STK3: variants seen among roughly 807,000 people sequenced by gnomAD.
STK3 encodes the protein serine/threonine-protein kinase 3.
A neutral mutation model predicts 58.0 loss-of-function variants in STK3; 41 were observed. The ratio of observed to expected loss-of-function variants is 0.71; its 90% CI spans 0.55 to 0.92. The LOEUF (loss-of-function observed/expected upper bound fraction) is 0.92. STK3 is among the 40% of genes least tolerant of loss of function. The pLI is 0.00. For missense variants in STK3, 479 were observed against 602.7 expected (o/e 0.79, Z 2.15); for synonymous variants, 170 against 191.0 (o/e 0.89, Z 0.91).
intron 3 of STK3, among the ~76,000 whole-genome samples, chr8:98,750,794 A>T (rs1018925476): frequency 6.6e-6 from 1 of 152,190 alleles, no homozygotes; most frequent in Non-Finnish European, 1.5e-5. Context: ...GCAGAGATAC[A>T]ACAAAAAAAG....
At chr8:98,475,114 GAGCTCAT>G (rs1325071107) in intron 10 of STK3, among the ~76,000 whole-genome samples, 36 of 152,260 alleles carry the variant, frequency 2.4e-4, no homozygotes, top group African/African-American at 8.7e-4. Context: ...CCTGAAATCT[GAGCTCAT>G]CTGTATACCC....
At chr8:98,898,989 G>A (rs1318942150) in intron 1 of STK3, among the ~76,000 whole-genome samples, 1 of 152,214 alleles carries the variant, frequency 6.6e-6, no homozygotes, top group Non-Finnish European at 1.5e-5. Context: ...AGAATGGGTT[G>A]GAGTGTGCTA....
chr8:98,779,485 T>C (rs989423102), intron 1 of STK3, among the ~76,000 whole-genome samples: 5 of 152,236 alleles, frequency 3.3e-5, no homozygotes, highest in Non-Finnish European at 5.9e-5. Context: ...CTTTCCTTTC[T>C]GATGGTTCAA....
At chr8:98,562,382 A>G (rs1444344952) in intron 8 of STK3, among the ~76,000 whole-genome samples, 1 of 152,132 alleles carries the variant, frequency 6.6e-6, no homozygotes, top group Non-Finnish European at 1.5e-5. Flanking sequence ...TGACTGTTAC[A>G]AAAAACGTAG....
chr8:98,534,110 T>C (rs185368829), intron 9 of STK3, among the ~76,000 whole-genome samples: 2 of 152,320 alleles, frequency 1.3e-5, no homozygotes, highest in East Asian at 1.9e-4. Flanking sequence ...TCTATCCCAG[T>C]AGAGTCAGAA....
At chr8:98,388,890 C>G (rs567196418), upstream of STK3, among the ~76,000 whole-genome samples, 1 of 152,156 alleles carries the variant, frequency 6.6e-6, no homozygotes, top group African/African-American at 2.4e-5. Flanking sequence ...TTCACTTGAA[C>G]AAAAACATCT....
chr8:98,488,086 G>C (rs1273445263), intron 10 of STK3, among the ~76,000 whole-genome samples: 2 of 152,168 alleles, frequency 1.3e-5, no homozygotes, highest in Admixed American at 6.6e-5. Context: ...AACTGAAAAA[G>C]ATGGCAGCAC....
intron 6 of STK3, among the ~76,000 whole-genome samples, chr8:98,621,162 G>C (rs1477372499): frequency 3.3e-5 from 5 of 152,080 alleles, no homozygotes; most frequent in Non-Finnish European, 5.9e-5. Context: ...GGATGGTCTC[G>C]ATCTCCTGAC....
chr8:98,922,244 C>G (rs986608628), intron 1 of STK3, among the ~76,000 whole-genome samples: 3 of 152,194 alleles, frequency 2.0e-5, no homozygotes, highest in Non-Finnish European at 4.4e-5. Context: ...TGACAGTCAT[C>G]TTGCAACCAG....
chr8:98,426,141 C>A (rs1426132390), intron 3 of STK3, among the ~76,000 whole-genome samples: 1 of 152,174 alleles, frequency 6.6e-6, no homozygotes, highest in Non-Finnish European at 1.5e-5. Context: ...ACCCCCCAGT[C>A]CCCACTGTCG....
chr8:98,939,139 G>GTGAA (rs1352998215), intron 1 of STK3, among the ~76,000 whole-genome samples: 1 of 152,206 alleles, frequency 6.6e-6, no homozygotes, highest in Non-Finnish European at 1.5e-5. Flanking sequence ...AAGTGAGCGA[G>GTGAA]TGAATGAATG....
the STK3 span, among the ~76,000 whole-genome samples, chr8:98,362,798 C>T: frequency 6.6e-6 from 1 of 152,146 alleles, no homozygotes; most frequent in Non-Finnish European, 1.5e-5. Flanking sequence ...CAGAAGAGGC[C>T]GCTCCCTTCA....
intron 6 of STK3, among the ~76,000 whole-genome samples, chr8:98,694,810 T>TA (rs1294446410): frequency 6.6e-6 from 1 of 152,222 alleles, no homozygotes; most frequent in East Asian, 1.9e-4. Context: ...ACAATAAACA[T>TA]ACGTGTGCAT....
At chr8:98,763,732 G>A (rs1385533985) in intron 3 of STK3, among the ~76,000 whole-genome samples, 2 of 151,774 alleles carry the variant, frequency 1.3e-5, no homozygotes, top group Non-Finnish European at 2.9e-5. Flanking sequence ...GAGTTCAGTG[G>A]TACAATCTCA....
chr8:98,658,270 A>T (rs1821695658), intron 6 of STK3, among the ~76,000 whole-genome samples: 1 of 152,134 alleles, frequency 6.6e-6, no homozygotes, highest in East Asian at 1.9e-4. Context: ...GAGAAAAAAA[A>T]TGAGCTTTGG....
intron 8 of STK3, among the ~76,000 whole-genome samples, chr8:98,571,444 C>T (rs1437586400): frequency 6.6e-6 from 1 of 152,166 alleles, no homozygotes; most frequent in Admixed American, 6.5e-5. Flanking sequence ...ACTGTATCAC[C>T]ACCTGAGGGG....
chr8:98,597,455 T>A lies in STK3; in HGVS notation c.685-1286A>T, dbSNP rs1373508042. 4.1e-6 allele frequency: 4 copies of A among 985,218 alleles called. No individual in the cohort carries two copies. The African/African-American group carries it at 7.0e-5, about 17-fold the overall frequency. The allele number at this position is 985,218 out of a possible 1,614,324, so 61.0% of individuals were successfully genotyped here. A position where few individuals can be genotyped will look rare whatever the true frequency, so the allele number is the denominator to read the frequency against. ...CTATGATAGTCTTTCAAAAGCAGTGTAGCCAGTATTACAAAACAATAAACA... is the reference window on the plus strand; with the variant it reads ...CTATGATAGTCTTTCAAAAGCAGTGAAGCCAGTATTACAAAACAATAAACA... On this transcript the variant is annotated intron_variant, in intron 6 of 10. Coordinates refer to ENST00000419617, the MANE Select transcript of STK3 (RefSeq NM_006281.4).
chr8:98,700,771 G>T (rs909651856), intron 6 of STK3, among the ~76,000 whole-genome samples: 1 of 152,116 alleles, frequency 6.6e-6, no homozygotes, highest in Non-Finnish European at 1.5e-5. Context: ...GAAATCATCA[G>T]GTACTTCTCC....
chr8:98,672,268 A>C, intron 6 of STK3, among the ~76,000 whole-genome samples: 1 of 73,646 alleles, frequency 1.4e-5, no homozygotes, highest in South Asian at 4.5e-4. Context: ...GTGGGGGGTT[A>C]GGGGGTTAGG....
Sources: allele counts gnomAD v4.1 joint callset (sites outside exome capture counted in the v4.1 genomes callset), GRCh38; gene constraint gnomAD v4.1.1; transcripts MANE v1.5; gene names NCBI Gene and HGNC (gene_info 2026-07-23, HGNC 2026-07-21).